IMPDH2: variants seen among roughly 807,000 people sequenced by gnomAD.
IMPDH2 encodes the protein inosine-5'-monophosphate dehydrogenase 2.
Under a neutral mutation model 57.8 loss-of-function variants are expected in IMPDH2, and 33 were observed. That is an observed-to-expected ratio of 0.57 (90% confidence interval 0.43 to 0.76). The LOEUF (loss-of-function observed/expected upper bound fraction) is 0.76, where lower values mean the gene tolerates loss of function less well. Ranked by LOEUF, IMPDH2 falls within the 30% of genes least tolerant of loss-of-function variation. IMPDH2 has a pLI of 0.00. For missense variants in IMPDH2, 446 were observed against 659.1 expected, an observed-to-expected ratio of 0.68 and a Z score of 3.54; for synonymous variants, 270 against 241.3, an observed-to-expected ratio of 1.12 and a Z score of -1.10.
In IMPDH2 at chr3:49,024,363, G is replaced by A. The variant is rs2093187528; in HGVS notation, c.*20C>T. ...AACTTTTATTGAAAAAAAAACCGAG[G>A]AGGTGTGCTGGATCCCTTTTCAGAA... On this transcript the variant is annotated 3_prime_UTR_variant, in exon 14 of 14. Transcript: ENST00000326739. The A allele has an allele frequency of 2.5e-6, 4 of 1,613,998 alleles. No homozygotes were observed. The highest frequency in any genetic ancestry group is 1.1e-5 in the South Asian group (1 of 91,070).
intron 1 of IMPDH2, 123 bp from the exon 2 acceptor site, chr3:49,028,929 G>C: frequency 1.2e-6 from 1 of 815,264 alleles, no homozygotes; most frequent in South Asian, 1.4e-5. Flanking sequence ...CAGAGTCTGT[G>C]TGTCACAGGC....
chr3:49,027,815 G>C lies in IMPDH2; in HGVS notation c.426C>G (p.Ile142Met). The C allele has an allele frequency of 6.2e-7, 1 of 1,614,160 alleles. No individual in the cohort carries two copies. The highest frequency in any genetic ancestry group is 8.5e-7 in the Non-Finnish European group (1 of 1,180,018). The change falls in exon 5 of 14, where the codon ATC becomes ATG. Residue 142 changes from isoleucine to methionine, a missense_variant. By Grantham distance (10) the Ile-to-Met change is conservative (BLOSUM62 1). Transcript: ENST00000326739. ...CCATCCGGCCTGTGTCTGTGATTGG[G>C]ATACCGCAGAAACCATGCCGGGCCT... The part of the protein sequence containing the change: ...EAKARHGFCG[I>M]PITDTGRMGS...
rs760008447 is a variant in IMPDH2, at chr3:49,026,756, A to C, written c.750T>G (p.Ile250Met). Residue 250 changes from isoleucine (I) to methionine (M), a missense_variant, in exon 7 of 14, where the codon ATT becomes ATG. Coordinates refer to ENST00000326739, the MANE Select transcript of IMPDH2 (RefSeq NM_000884.3). ...TATACTTGTCATCCTCATGAGTGCC[A>C]ATGGCTGCCCCACACAGCAGCTGTT... Reference protein sequence around the residue: ...AKKQLLCGAAIGTHEDDKYRL... With the variant: ...AKKQLLCGAAMGTHEDDKYRL... The C allele has an allele frequency of 8.1e-6, 13 of 1,614,190 alleles. No homozygotes were observed. The Admixed American group carries it at 2.2e-4, about 27-fold the overall frequency.
chr3:49,026,008 G>A, intron 9 of IMPDH2: 1 of 495,732 alleles, frequency 2.0e-6, no homozygotes, highest in Non-Finnish European at 4.0e-6. Context: ...AGCAACCCGT[G>A]ACAGTAGAAG....
Position 49,028,325 on chromosome 3 carries a change from A to G in IMPDH2, c.250-3T>C, listed in dbSNP as rs1559917352. The G allele has an allele frequency of 2.5e-6, 4 of 1,613,896 alleles. No individual in the cohort carries two copies. The highest frequency in any genetic ancestry group is 3.4e-6 in the Non-Finnish European group (4 of 1,179,760). ...ATGAAGCCAATACCGCCTGTAAGCT[A>G]CAGGATAAAAAGAGACTACTACTAA... On this transcript the variant is annotated splice_region_variant and splice_polypyrimidine_tract_variant and intron_variant, in intron 3 of 13. Coordinates refer to ENST00000326739, the MANE Select transcript of IMPDH2 (RefSeq NM_000884.3).
At chr3:49,027,532 G>A (rs1319045817) in intron 5 of IMPDH2, among the ~76,000 whole-genome samples, 178 bp downstream of exon 5, 1 of 152,208 alleles carries the variant, frequency 6.6e-6, no homozygotes, top group African/African-American at 2.4e-5. Flanking sequence ...AAGCATTTGG[G>A]CAGTTTGAAA....
At chr3:49,028,602 C>A in intron 2 of IMPDH2, 70 bp from the exon 3 acceptor site, 3 of 1,396,952 alleles carry the variant, frequency 2.1e-6, no homozygotes, top group Non-Finnish European at 3.0e-6. Flanking sequence ...GAGTCCCCCA[C>A]AAAAAGGCAC....
intron 13 of IMPDH2, 41 bp from the exon 14 acceptor site, chr3:49,024,445 AAGG>A: frequency 6.2e-7 from 1 of 1,614,176 alleles, no homozygotes; most frequent in South Asian, 1.1e-5. Context: ...GGGCAGGAGA[AAGG>A]AGGCATGAGG....
At chr3:49,028,145 G>T in intron 4 of IMPDH2, 103 bp downstream of exon 4, 1 of 1,038,024 alleles carries the variant, frequency 9.6e-7, no homozygotes, top group Non-Finnish European at 1.5e-6. Flanking sequence ...GAACCCCATG[G>T]TGGGAAGAAA....
At chr3:49,029,166 C>T (rs562040834) in intron 1 of IMPDH2, 87 bp downstream of exon 1, 3 of 1,118,190 alleles carry the variant, frequency 2.7e-6, no homozygotes, top group East Asian at 5.1e-5. Context: ...ACGCCCACGC[C>T]CAAGGCGGCT....
At position 49,024,952 on chromosome 3, in the gene IMPDH2, A is replaced by G; in HGVS notation, c.1239T>C (p.Gly413=). 1 of 1,614,174 alleles carries G rather than the reference A, an allele frequency of 6.2e-7. No homozygotes were observed. The highest frequency in any genetic ancestry group is 8.5e-7 in the Non-Finnish European group (1 of 1,180,036). The change falls in exon 11 of 14, where the codon GGT becomes GGC. Residue 413 remains glycine (G), a synonymous_variant. Transcript: ENST00000326739. ...SDGIRLKKYR[G]MGSLDAMDKH... ...TGTCCATGGCATCGAGAGAACCCAT[A>G]CCGCGATATTTCTTTAGCCGGATCC...
intron 7 of IMPDH2, 33 bp downstream of exon 7, chr3:49,026,654 C>G: frequency 6.2e-7 from 1 of 1,613,190 alleles, no homozygotes; most frequent in Non-Finnish European, 8.5e-7. Context: ...GCAGCTGCCC[C>G]TATTGCCCCA....
chr3:49,028,582 A>G (rs1165455543), intron 2 of IMPDH2, 50 bp from the exon 3 acceptor site: 2 of 1,480,984 alleles, frequency 1.4e-6, no homozygotes, highest in Middle Eastern at 1.7e-4. Context: ...TTACACCTCA[A>G]GGTGTTACTG....
chr3:49,026,763 GC>G lies in IMPDH2; in HGVS notation c.742del (p.Ala248GlnfsTer23), dbSNP rs2093201488. 6.2e-7 allele frequency: 1 copy of G among 1,614,066 alleles called. No homozygotes were observed. Among genetic ancestry groups the G allele is most frequent in the African/African-American group, 1.3e-5 (1 of 74,922 alleles). ...GTCATCCTCATGAGTGCCAATGGCTGCCCCACACAGCAGCTGTTTCTTGGCA... is the reference window on the plus strand; with the variant it reads ...GTCATCCTCATGAGTGCCAATGGCTGCCCACACAGCAGCTGTTTCTTGGCA... ...KDAKKQLLCG[A>X]AIGTHEDDKY... On this transcript the variant is annotated frameshift_variant, in exon 7 of 14. Transcript: ENST00000326739. LOFTEE classifies it high-confidence loss of function.
chr3:49,028,063 G>T, intron 4 of IMPDH2, 147 bp from the exon 5 acceptor site: 2 of 790,972 alleles, frequency 2.5e-6, no homozygotes, highest in Non-Finnish European at 4.2e-6. Context: ...ACATGGGTAG[G>T]CTGGAGGCAC....
Position 49,024,487 on chromosome 3 carries a change from T to C in IMPDH2, c.1523+8A>G. On this transcript the variant is annotated splice_region_variant and intron_variant, in intron 13 of 13. Coordinates refer to ENST00000326739, the MANE Select transcript of IMPDH2 (RefSeq NM_000884.3). ...GGCAGAGGCCCCACCAAGGACAGGG[T>C]GACTTACGAATGGAGGCTATGGACG... 6.2e-7 allele frequency: 1 copy of C among 1,613,942 alleles called. No individual in the cohort carries two copies. Among genetic ancestry groups the C allele is most frequent in the Non-Finnish European group, 8.5e-7 (1 of 1,179,960 alleles).
At position 49,028,305 on chromosome 3, in the gene IMPDH2, G is replaced by A. The variant is rs768557490; in HGVS notation, c.267C>T (p.Gly89=). Residue 89 remains glycine, a synonymous_variant, in exon 4 of 14, where the codon GGC becomes GGT. Coordinates refer to ENST00000326739, the MANE Select transcript of IMPDH2 (RefSeq NM_000884.3). ...AIAMALTGGI[G]FIHHNCTPEF... Reference sequence around the variant, plus strand: ...CAGGTGTACAGTTGTGGTGGATGAAGCCAATACCGCCTGTAAGCTACAGGA... The same window carrying A: ...CAGGTGTACAGTTGTGGTGGATGAAACCAATACCGCCTGTAAGCTACAGGA... 2.5e-6 allele frequency: 4 copies of A among 1,614,054 alleles called. No homozygotes were observed. The highest frequency in any genetic ancestry group is 1.1e-5 in the South Asian group (1 of 91,080).
At chr3:49,027,678 G>T (rs762952151) in intron 5 of IMPDH2, 32 bp downstream of exon 5, 1 of 1,582,740 alleles carries the variant, frequency 6.3e-7, no homozygotes, top group Non-Finnish European at 8.7e-7. Context: ...TGGGCTGCTA[G>T]AGCTTGGATC....
rs1397130396 is a variant in IMPDH2 at position 49,029,384 on chromosome 3, G to T, written c.-34C>A. On this transcript the variant is annotated 5_prime_UTR_variant, in exon 1 of 14. Coordinates refer to ENST00000326739, the MANE Select transcript of IMPDH2 (RefSeq NM_000884.3). ...CAGGACACCGCCGCGTGTCTCCGAG[G>T]ACCGCGCCGCAGAGACCTCTGCCGT... 4 of 1,443,280 alleles carry T rather than the reference G, an allele frequency of 2.8e-6. No homozygotes were observed. Among genetic ancestry groups the T allele is most frequent in the Non-Finnish European group, 2.9e-6 (3 of 1,045,764 alleles). The allele number at this position is 1,443,280 out of a possible 1,614,324, so 89.4% of individuals were successfully genotyped here. A position where few individuals can be genotyped will look rare whatever the true frequency, so the allele number is the denominator to read the frequency against.
Sources: gnomAD v4.1 joint callset for allele counts (sites outside exome capture counted in the v4.1 genomes callset) on GRCh38, gnomAD v4.1.1 for gene constraint, MANE v1.5 for transcripts, NCBI Gene and HGNC (gene_info 2026-07-23, HGNC 2026-07-21) for gene names.